The following DIDO1 variants were observed in gnomAD, a reference collection of about 807,000 sequenced individuals.
The protein encoded by DIDO1 is death inducer-obliterator 1.
A neutral mutation model predicts 99.4 loss-of-function variants in DIDO1; 16 were observed. The ratio of observed to expected loss-of-function variants is 0.16; its 90% CI spans 0.11 to 0.24. The LOEUF (loss-of-function observed/expected upper bound fraction) is 0.24, where lower values mean the gene tolerates loss of function less well. Ranked by LOEUF, DIDO1 falls within the 10% of genes least tolerant of loss-of-function variation. DIDO1 has a pLI of 1.00. For missense variants in DIDO1, 2,996 were observed against 3,014.0 expected (o/e 0.99, Z 0.14); for synonymous variants, 1,366 against 1,239.1 (o/e 1.10, Z -2.15).
chr20:62,887,788 C>T lies in DIDO1; in HGVS notation c.3541+3172G>A, dbSNP rs1267853886. 12 of 985,312 alleles carry T rather than the reference C, an allele frequency of 1.2e-5. No individual in the cohort carries two copies. In the Admixed American group the frequency reaches 5.5e-4, roughly 45 times the overall value. 61.0% of individuals were successfully genotyped at this position (985,312 alleles called of 1,614,324 possible). A position where few individuals can be genotyped will look rare whatever the true frequency, so the allele number is the denominator to read the frequency against. On this transcript the variant is annotated intron_variant, in intron 15 of 15. Coordinates refer to ENST00000395343, the MANE Select transcript of DIDO1 (RefSeq NM_001193369.2). ...GGGACTCTGCGACCCCAAGTCCCTG[C>T]GGGGGGCCCTGTTGGTAAAGCTGGA...
rs568768189 is a variant in DIDO1 at position 62,894,540 on chromosome 20, T to C, written c.2445A>G (p.Gln815=). ...SPPVSDSEEQ[Q]ESARAVPEKS... ...TCTCAGGGACAGCACGTGCTGACTC[T>C]TGCTGTTCCTAAAAAAGAAAAAGAA... Residue 815 remains glutamine (Q), a synonymous_variant, in exon 11 of 16, where the codon CAA becomes CAG. Transcript: ENST00000395343. The surrounding 1 kb of genome is among the most constrained non-coding windows in gnomAD (Gnocchi z 4.4). The C allele has an allele frequency of 1.2e-6, 2 of 1,608,404 alleles. No individual in the cohort carries two copies. The highest frequency in any genetic ancestry group is 1.1e-5 in the South Asian group (1 of 90,712).
intron 8 of DIDO1, among the ~76,000 whole-genome samples, chr20:62,895,940 G>A (rs1026191821): frequency 2.6e-5 from 4 of 152,214 alleles, no homozygotes; most frequent in African/African-American, 9.7e-5. Context: ...CCAGTGAAGC[G>A]ACTGGCTTGT....
At chr20:62,891,775 T>A (rs2064404357) in intron 14 of DIDO1, among the ~76,000 whole-genome samples, 4 of 147,710 alleles carry the variant, frequency 2.7e-5, no homozygotes, top group Admixed American at 2.7e-4. Context: ...TTTTTTTTTT[T>A]GAGACAGTCT....
intron 4 of DIDO1, among the ~76,000 whole-genome samples, chr20:62,907,630 C>A (rs760562036): frequency 2.0e-5 from 3 of 152,230 alleles, no homozygotes; most frequent in African/African-American, 4.8e-5. Context: ...GCACCCCTCT[C>A]GAGGGTGGGC....
chr20:62,922,933 G>T (rs1423151905), intron 1 of DIDO1, among the ~76,000 whole-genome samples: 1 of 152,138 alleles, frequency 6.6e-6, no homozygotes, highest in African/African-American at 2.4e-5. Context: ...TCTCACAAAG[G>T]TGACAAACTG....
intron 15 of DIDO1, chr20:62,888,066 C>T (rs777857406): frequency 1.0e-6 from 1 of 985,580 alleles, no homozygotes; most frequent in Non-Finnish European, 1.2e-6. Flanking sequence ...CACTGCCCGA[C>T]AAGGGCCAAG....
At chr20:62,912,605 A>C (rs867416567) in intron 2 of DIDO1, among the ~76,000 whole-genome samples, 2 of 152,222 alleles carry the variant, frequency 1.3e-5, no homozygotes, top group African/African-American at 4.8e-5. Flanking sequence ...TCTGAAAAAG[A>C]CAGTAGATAC....
chr20:62,929,805 T>A (rs764825727), upstream of DIDO1, among the ~76,000 whole-genome samples: 3 of 150,640 alleles, frequency 2.0e-5, no homozygotes, highest in South Asian at 6.3e-4. Context: ...TTTTACGTTG[T>A]ATAAGGCCAG....
rs779539294 is a variant in DIDO1 at position 62,879,825 on chromosome 20, G to A, written c.6131C>T (p.Ala2044Val). The change falls in exon 16 of 16, where the codon GCC becomes GTC. Residue 2044 changes from alanine to valine, a missense_variant. Coordinates refer to ENST00000395343, the MANE Select transcript of DIDO1 (RefSeq NM_001193369.2). This position sits in a 1 kb window ranked among gnomAD's most constrained non-coding sequence, Gnocchi z 6.3. ...PQHRKDRWEE[A>V]GPPSALSSSA... ...GGAGGAGAGCGCGGAGGGCGGCCCG[G>A]CCTCCTCCCAGCGGTCCTTCCGGTG... 6.2e-7 allele frequency: 1 copy of A among 1,608,946 alleles called. No individual in the cohort carries two copies.
intron 1 of DIDO1, among the ~76,000 whole-genome samples, chr20:62,917,441 T>C (rs1024644813): frequency 1.3e-5 from 2 of 152,224 alleles, no homozygotes; most frequent in Non-Finnish European, 2.9e-5. Context: ...AAAGCTCAAA[T>C]TTTATCCTTA....
chr20:62,887,572 T>G, intron 15 of DIDO1: 1 of 985,452 alleles, frequency 1.0e-6, no homozygotes, highest in South Asian at 4.7e-5. Flanking sequence ...GGACCGAGGT[T>G]ACTCCACAGG....
intron 1 of DIDO1, among the ~76,000 whole-genome samples, chr20:62,924,031 G>A (rs1406224579): frequency 1.3e-5 from 2 of 152,200 alleles, no homozygotes; most frequent in African/African-American, 2.4e-5. Flanking sequence ...TCTCACAGAT[G>A]ACTGTGTACA....
upstream of DIDO1, among the ~76,000 whole-genome samples, chr20:62,926,847 T>TAA (rs1272654848): frequency 1.3e-5 from 2 of 152,216 alleles, no homozygotes; most frequent in Non-Finnish European, 2.9e-5. Flanking sequence ...TTAAGACCGA[T>TAA]AAACCCTTCA....
At chr20:62,891,858 C>A in intron 14 of DIDO1, 129 bp downstream of exon 14, 2 of 749,406 alleles carry the variant, frequency 2.7e-6, no homozygotes. Context: ...TAACATTCAC[C>A]TGGAAATATC....
intron 15 of DIDO1, chr20:62,890,227 G>A: frequency 1.0e-6 from 1 of 985,940 alleles, no homozygotes; most frequent in South Asian, 4.7e-5. Context: ...GGACTGCATG[G>A]CCACGGAGAC....
chr20:62,908,505 C>A lies in DIDO1; in HGVS notation c.1162-1146G>T, dbSNP rs1366166348. ...GAGGAAACTCACGCACCACAAACAG[C>A]TTGACCACTGCTGTTTACAAAGTCT... is the stretch of plus-strand genomic sequence containing the variant. On this transcript the variant is annotated intron_variant, in intron 4 of 15. Coordinates refer to ENST00000395343, the MANE Select transcript of DIDO1 (RefSeq NM_001193369.2). Among the ~76,000 whole-genome samples, 6 of 152,362 alleles carry A rather than the reference C, an allele frequency of 3.9e-5. No individual in the cohort carries two copies. In the South Asian group the frequency reaches 8.3e-4, roughly 21 times the overall value.
At chr20:62,933,450 G>C (rs1286553158) in intron 1 of DIDO1, among the ~76,000 whole-genome samples, 1 of 152,224 alleles carries the variant, frequency 6.6e-6, no homozygotes, top group Non-Finnish European at 1.5e-5. Flanking sequence ...TTGAAAGCCT[G>C]AAGTCTCCAG....
rs1264206331 is a variant in DIDO1, at chr20:62,878,029, AC to A, written c.*1203del. 2.6e-5 allele frequency: 4 copies of A among 152,224 alleles called. No homozygotes were observed. Among genetic ancestry groups the A allele is most frequent in the Non-Finnish European group, 1.5e-5 (1 of 68,050 alleles). The allele number at this position is 152,224 out of a possible 1,614,324, so 9.4% of individuals were successfully genotyped here. A position where few individuals can be genotyped will look rare whatever the true frequency, so the allele number is the denominator to read the frequency against. On this transcript the variant is annotated 3_prime_UTR_variant, in exon 16 of 16. Transcript: ENST00000395343. The stretch of plus-strand genomic sequence containing the variant: ...TGGCTTTCAACACCAAACATCTCAA[AC>A]TGATACATTCTCAATGTTTTCTTAA...
rs1280448338 is a variant in DIDO1, at chr20:62,880,569, G to A, written c.5387C>T (p.Pro1796Leu). The change falls in exon 16 of 16, where the codon CCG (proline) becomes CTG (leucine). Residue 1796 changes from proline to leucine, a missense_variant. Transcript: ENST00000395343. ...IASNDGPRGP[P>L]PARFGAQKGP... ...CTTCTGGGCTCCGAATCTGGCTGGC[G>A]GAGGCCCTCGTGGCCCATCGTTAGA... 2 of 1,612,942 alleles carry A rather than the reference G, an allele frequency of 1.2e-6. No homozygotes were observed. The highest frequency in any genetic ancestry group is 3.3e-5 in the Admixed American group (2 of 60,032).
Sources: gnomAD v4.1 joint callset for allele counts (sites outside exome capture counted in the v4.1 genomes callset) on GRCh38, gnomAD v4.1.1 for gene constraint, Gnocchi (gnomAD v3.1) non-coding constraint, MANE v1.5 for transcripts, NCBI Gene and HGNC (gene_info 2026-07-23, HGNC 2026-07-21) for gene names.